Variants in MTCL1 observed in about 807,000 individuals in gnomAD.
The protein encoded by MTCL1 is microtubule cross-linking factor 1.
MTCL1 carries 79 observed loss-of-function variants against 141.4 expected under a neutral mutation model. The ratio of observed to expected loss-of-function variants is 0.56; its 90% confidence interval spans 0.47 to 0.67. The LOEUF (loss-of-function observed/expected upper bound fraction) is 0.67. Ranked by LOEUF, MTCL1 falls within the 30% of genes least tolerant of loss-of-function variation. The pLI is 0.00. For synonymous variants in MTCL1, 914 were observed against 875.8 expected, an observed-to-expected ratio of 1.04 and a Z score of -0.77; for missense variants, 2,177 against 2,113.9, an observed-to-expected ratio of 1.03 and a Z score of -0.59.
intron 5 of MTCL1, 34 bp from the exon 5 acceptor site, chr18:8,783,496 A>G: frequency 6.6e-7 from 1 of 1,526,614 alleles, no homozygotes; most frequent in Non-Finnish European, 8.8e-7. Flanking sequence ...GTATTTTCAA[A>G]TAACCCTTCT....
At chr18:8,782,568 GC>G (rs2096536314) in intron 5 of MTCL1, 1 of 152,228 alleles carries the variant, frequency 6.6e-6, no homozygotes, top group Non-Finnish European at 1.5e-5. Flanking sequence ...AGCAGAGTCA[GC>G]TTTTGAGGAT....
In MTCL1 at chr18:8,706,746, G is replaced by T. The variant is rs756010918; in HGVS notation, c.1053+33G>T. 1.9e-5 allele frequency: 30 copies of T among 1,541,622 alleles called. No individual in the cohort carries two copies. In the South Asian group the frequency reaches 3.5e-4, roughly 18 times the overall value. On this transcript the variant is annotated intron_variant, in intron 1 of 13. Coordinates refer to the MTCL1 transcript ENST00000306329. ...GCGCCTCGGCCGCAGGTGTCCCGGG[G>T]CGCCCCCGGAGGGCCTGGCTGCGGC...
At position 8,785,837 on chromosome 18, in the gene MTCL1, TC is replaced by T. The variant is rs377095014; in HGVS notation, c.1732-93del. 6.0e-5 allele frequency: 87 copies of T among 1,444,270 alleles called. 1 individual carries two copies. In the East Asian group the frequency reaches 7.9e-4, roughly 13 times the overall value. The allele number at this position is 1,444,270 out of a possible 1,614,324, so 89.5% of individuals were successfully genotyped here. ...CCCTTGTCCATTTTTGTTTTCTTTA[TC>T]CCCCCTCCCTGCCTCCACCCTTGTC... is the stretch of plus-strand genomic sequence containing the variant. On this transcript the variant is annotated intron_variant, in intron 6 of 16. Coordinates refer to ENST00000359865, the Ensembl canonical transcript of MTCL1.
chr18:8,759,591 A>G (rs1274266810), intron 4 of MTCL1, among the ~76,000 whole-genome samples: 4 of 152,212 alleles, frequency 2.6e-5, no homozygotes, highest in Non-Finnish European at 5.9e-5. Context: ...CCCAAAAACA[A>G]TCTTATGGGA....
exon 1 of MTCL1, chr18:8,706,277 C>T (rs1398567349): frequency 1.6e-6 from 2 of 1,229,298 alleles, no homozygotes; most frequent in Non-Finnish European, 2.0e-6. Context: ...ATCAGCCACA[C>T]GGACAGCAGC....
chr18:8,706,168 C>T (rs2096057921), exon 1 of MTCL1: 2 of 1,222,192 alleles, frequency 1.6e-6, no homozygotes, highest in Non-Finnish European at 2.0e-6. Context: ...CCGGGCGCCA[C>T]CCGCCCGCAC....
Position 8,760,440 on chromosome 18 carries a change from C to T in MTCL1, c.358-17393C>T, listed in dbSNP as rs529900246. ...TGCAAGTGCCATGTTTGCTAACGCC[C>T]CTGACATTCTCTAGGGCAGTGCCTT... is the stretch of plus-strand genomic sequence containing the variant. On this transcript the variant is annotated intron_variant, in intron 4 of 16. Transcript: ENST00000359865. 9.8e-5 allele frequency among the ~76,000 whole-genome samples: 15 copies of T among 152,322 alleles called. No individual in the cohort carries two copies. In the South Asian group the frequency reaches 1.9e-3, roughly 19 times the overall value.
At chr18:8,707,347 G>T (rs1352583635) in intron 1 of MTCL1, 1 of 152,522 alleles carries the variant, frequency 6.6e-6, no homozygotes, top group Non-Finnish European at 1.5e-5. Context: ...CCAGTCCTTT[G>T]TAAGCATCCA....
chr18:8,809,292 G>C (rs1420090539), intron 11 of MTCL1, among the ~76,000 whole-genome samples: 2 of 152,176 alleles, frequency 1.3e-5, no homozygotes, highest in African/African-American at 4.8e-5. Context: ...GGAAAGAGAC[G>C]CATCTTTATG....
chr18:8,801,037 G>GGACT, intron 10 of MTCL1, among the ~76,000 whole-genome samples: 1 of 152,294 alleles, frequency 6.6e-6, no homozygotes, highest in Middle Eastern at 3.4e-3. Flanking sequence ...TCCAGCCTCA[G>GGACT]GACTGAGTAG....
At chr18:8,831,855 C>T (rs1352422335) in exon 17 of MTCL1, 3 of 1,537,030 alleles carry the variant, frequency 2.0e-6, no homozygotes, top group Middle Eastern at 1.7e-4. Context: ...CATAACCACA[C>T]CATCACCATG....
At chr18:8,825,683 T>G in exon 15 of MTCL1, 1 of 1,613,694 alleles carries the variant, frequency 6.2e-7, no homozygotes, top group Non-Finnish European at 8.5e-7. Context: ...CCAAGTATGG[T>G]TCTCCCAAGC....
intron 10 of MTCL1, chr18:8,802,286 C>T (rs908699546): frequency 6.6e-5 from 10 of 152,216 alleles, no homozygotes; most frequent in African/African-American, 1.9e-4. Flanking sequence ...CCTGAATAAA[C>T]GTGGATGCTA....
chr18:8,775,408 T>TAAAAAAAAAAAAAAAAAAAAA (rs780102071), intron 4 of MTCL1, among the ~76,000 whole-genome samples: 10 of 92,980 alleles, frequency 1.1e-4, no homozygotes, highest in African/African-American at 4.1e-4. Flanking sequence ...TCGTCTCTAC[T>TAAAAAAAAAAAAAAAAAAAAA]AAAAAAAAAA....
intron 6 of MTCL1, chr18:8,785,594 A>G (rs2096550053): frequency 1.5e-5 from 4 of 269,210 alleles, no homozygotes; most frequent in East Asian, 1.9e-4. Flanking sequence ...CTTCACGGGT[A>G]GCGTGCTTGC....
At chr18:8,778,424 GT>G (rs1238900948) in intron 5 of MTCL1, among the ~76,000 whole-genome samples, 1 of 152,220 alleles carries the variant, frequency 6.6e-6, no homozygotes. Context: ...ACTGGATTCT[GT>G]TTTTAAATTG....
At chr18:8,823,612 A>G (rs541910193) in intron 14 of MTCL1, among the ~76,000 whole-genome samples, 1 of 152,230 alleles carries the variant, frequency 6.6e-6, no homozygotes. Context: ...TGGTTATTCA[A>G]AGCACCACTG....
rs2096524673 is a variant in MTCL1 at position 8,779,263 on chromosome 18, T to A, written c.417+1371T>A. On this transcript the variant is annotated intron_variant, in intron 5 of 16. Transcript: ENST00000359865. This position sits in a 1 kb window ranked among gnomAD's most constrained non-coding sequence, Gnocchi z 4.1. ...GTGGGCCCCTGGGTGTCTCCCCTCC[T>A]GGCCATGCCTGCCCTCTGCCTGCAA... Among the ~76,000 whole-genome samples, 1 of 152,176 alleles carries A rather than the reference T, an allele frequency of 6.6e-6. No individual in the cohort carries two copies. Among genetic ancestry groups the A allele is most frequent in the Non-Finnish European group, 1.5e-5 (1 of 68,012 alleles).
chr18:8,766,232 G>A (rs2096459126), intron 4 of MTCL1, among the ~76,000 whole-genome samples: 1 of 152,206 alleles, frequency 6.6e-6, no homozygotes, highest in Admixed American at 6.5e-5. Flanking sequence ...GTTTCAGCAG[G>A]GTGTGCCAAA....
Sources: gnomAD v4.1 joint callset for allele counts (sites outside exome capture counted in the v4.1 genomes callset) on GRCh38, gnomAD v4.1.1 for gene constraint, Gnocchi (gnomAD v3.1) non-coding constraint, MANE v1.5 for transcripts, NCBI Gene and HGNC (gene_info 2026-07-23, HGNC 2026-07-21) for gene names.